HYDIN: variants seen among roughly 807,000 people sequenced by gnomAD.
The protein encoded by HYDIN is axonemal central pair apparatus protein HYDIN.
Under a neutral mutation model 403.9 loss-of-function variants are expected in HYDIN, and 132 were observed. The ratio of observed to expected loss-of-function variants is 0.33; its 90% CI spans 0.28 to 0.38. HYDIN has a LOEUF of 0.38. Ranked by LOEUF, HYDIN falls within the 10% of genes least tolerant of loss-of-function variation. The pLI is 1.00. For missense variants in HYDIN, 2,827 were observed against 5,009.5 expected (o/e 0.56, Z 13.15); for synonymous variants, 1,202 against 1,891.7 (o/e 0.64, Z 9.46).
chr16:70,996,497 G>T (rs2079537587), intron 23 of HYDIN, among the ~76,000 whole-genome samples: 1 of 151,904 alleles, frequency 6.6e-6, no homozygotes, highest in South Asian at 2.1e-4. Context: ...CCCCACTTGT[G>T]CACTATGGGG....
chr16:71,135,948 G>A (rs973143960), intron 8 of HYDIN, among the ~76,000 whole-genome samples: 9 of 151,394 alleles, frequency 5.9e-5, no homozygotes, highest in African/African-American at 9.7e-5. Flanking sequence ...TGGTTTCCAC[G>A]GACCTAAGAC....
At chr16:70,842,075 T>C (rs1215647081) in intron 75 of HYDIN, among the ~76,000 whole-genome samples, 1 of 150,870 alleles carries the variant, frequency 6.6e-6, no homozygotes, top group East Asian at 1.9e-4. Flanking sequence ...TTCAATCCTT[T>C]TAATTTATTG....
intron 17 of HYDIN, among the ~76,000 whole-genome samples, chr16:71,061,861 A>AGTATGT (rs2082092266): frequency 1.4e-5 from 2 of 144,022 alleles, no homozygotes; most frequent in Admixed American, 1.4e-4. Context: ...CATGTGTGAC[A>AGTATGT]GTGTGTGTGT....
At chr16:71,219,915 C>A (rs1047357050) in intron 1 of HYDIN, among the ~76,000 whole-genome samples, 4 of 152,084 alleles carry the variant, frequency 2.6e-5, no homozygotes, top group African/African-American at 9.7e-5. Context: ...AAAAGTTTGC[C>A]CTCAGGAATG....
intron 78 of HYDIN, among the ~76,000 whole-genome samples, chr16:70,835,087 T>C (rs2037330357): frequency 1.3e-5 from 2 of 149,646 alleles, no homozygotes; most frequent in South Asian, 4.3e-4. Flanking sequence ...AACCTCCGCC[T>C]CCTGGGTTCA....
At chr16:70,886,247 G>C (rs1325688450) in intron 58 of HYDIN, among the ~76,000 whole-genome samples, 1 of 151,648 alleles carries the variant, frequency 6.6e-6, no homozygotes, top group Non-Finnish European at 1.5e-5. Flanking sequence ...ATGCACCTCA[G>C]TTATAGTACA....
At chr16:70,840,983 A>G (rs1208357348) in intron 75 of HYDIN, among the ~76,000 whole-genome samples, 6 of 152,208 alleles carry the variant, frequency 3.9e-5, no homozygotes, top group Non-Finnish European at 8.8e-5. Flanking sequence ...CAAATAAATT[A>G]TCTATTATTC....
At chr16:71,184,306 G>A (rs1770282367) in intron 3 of HYDIN, among the ~76,000 whole-genome samples, 1 of 152,044 alleles carries the variant, frequency 6.6e-6, no homozygotes. Context: ...TATAATTTAA[G>A]AAATTAATTA....
At chr16:71,227,018 C>G (rs980417284) in intron 1 of HYDIN, among the ~76,000 whole-genome samples, 2 of 152,126 alleles carry the variant, frequency 1.3e-5, no homozygotes, top group African/African-American at 4.8e-5. Flanking sequence ...ACAATGAGAT[C>G]TAGATCAAAC....
rs753313730 is a variant in HYDIN at position 70,920,914 on chromosome 16, C to T, written c.7462G>A (p.Glu2488Lys). The change falls in exon 46 of 86, where the codon GAG becomes AAG. Residue 2488 changes from glutamate to lysine, a missense_variant. Glu to Lys is a moderately conservative substitution (Grantham distance 56). Coordinates refer to ENST00000393567, the MANE Select transcript of HYDIN (RefSeq NM_001270974.2). ...QGVQLPPAGMEEAPHEPDDQR... is the reference protein window; with the variant it reads ...QGVQLPPAGMKEAPHEPDDQR... ...TCGTCGGGCTCATGGGGCGCTTCCTCCATCCCTGCAGGAGGCAGCTGGACT... is the reference window on the plus strand; with the variant it reads ...TCGTCGGGCTCATGGGGCGCTTCCTTCATCCCTGCAGGAGGCAGCTGGACT... 1.4e-5 allele frequency: 22 copies of T among 1,613,496 alleles called. No homozygotes were observed. The Admixed American group carries it at 3.7e-4, about 27-fold the overall frequency.
At chr16:71,176,941 C>T (rs568801260) in intron 4 of HYDIN, among the ~76,000 whole-genome samples, 7 of 152,274 alleles carry the variant, frequency 4.6e-5, no homozygotes, top group Admixed American at 1.3e-4. Context: ...AAATCTCTCC[C>T]CATGGTTCTT....
chr16:71,061,251 G>A (rs111754044), intron 17 of HYDIN, among the ~76,000 whole-genome samples: 22 of 149,382 alleles, frequency 1.5e-4, no homozygotes, highest in African/African-American at 5.4e-4. Context: ...AGTGAGCCTC[G>A]TGGGGGACCT....
Position 70,804,633 on chromosome 16 carries a change from C to T in HYDIN, c.*2947G>A, listed in dbSNP as rs969207613. Reference sequence around the variant, plus strand: ...TAAATATCTCAAACGGAAAACTTAACGTTTCCTAATGTTCAAGTTGTTATC... The same window carrying T: ...TAAATATCTCAAACGGAAAACTTAATGTTTCCTAATGTTCAAGTTGTTATC... On this transcript the variant is annotated 3_prime_UTR_variant, in exon 86 of 86. Transcript: ENST00000393567. Among the ~76,000 whole-genome samples, 8 of 150,774 alleles carry T rather than the reference C, an allele frequency of 5.3e-5. No homozygotes were observed. The highest frequency in any genetic ancestry group is 2.0e-4 in the African/African-American group (8 of 40,750).
chr16:70,809,820 A>G lies in HYDIN; in HGVS notation c.14846T>C (p.Ile4949Thr). The change falls in exon 85 of 86, where the codon ATC (isoleucine) becomes ACC (threonine). Residue 4949 changes from isoleucine (I) to threonine (T), a missense_variant. Ile to Thr is a moderately conservative substitution (Grantham distance 89). Transcript: ENST00000393567. ...GSSQIILVKF[I>T]NYTRQRTEYY... The stretch of plus-strand genomic sequence containing the variant: ...TTCTGTCCTCTGCCGTGTGTAATTG[A>G]TGAACTTCACAAGGATGATTTGGCT... 2 of 1,614,174 alleles carry G rather than the reference A, an allele frequency of 1.2e-6. No homozygotes were observed. Among genetic ancestry groups the G allele is most frequent in the Non-Finnish European group, 8.5e-7 (1 of 1,180,030 alleles).
intron 1 of HYDIN, among the ~76,000 whole-genome samples, chr16:71,223,418 A>C (rs1294006313): frequency 6.6e-6 from 1 of 152,228 alleles, no homozygotes; most frequent in Admixed American, 6.5e-5. Context: ...TGGCTTAGGC[A>C]GAAATTCAGG....
intron 23 of HYDIN, among the ~76,000 whole-genome samples, chr16:71,005,266 C>T (rs912466629): frequency 1.3e-5 from 2 of 152,114 alleles, no homozygotes; most frequent in African/African-American, 4.8e-5. Context: ...TATTCTCTAT[C>T]TGTGCTGTCC....
intron 23 of HYDIN, among the ~76,000 whole-genome samples, chr16:71,016,296 A>G (rs1238970246): frequency 1.3e-5 from 2 of 151,508 alleles, no homozygotes; most frequent in Admixed American, 6.6e-5. Context: ...TACCTAATTT[A>G]AAAATGGGCT....
chr16:70,988,645 CT>C, intron 25 of HYDIN, 133 bp from the exon 26 acceptor site: 2 of 370,778 alleles, frequency 5.4e-6, no homozygotes, highest in Admixed American at 6.9e-5. Context: ...GAGCAAGTGA[CT>C]ATAATGTACA....
chr16:70,834,957 T>C (rs538747462), intron 78 of HYDIN, among the ~76,000 whole-genome samples: 18 of 143,554 alleles, frequency 1.3e-4, no homozygotes, highest in Non-Finnish European at 2.4e-4. Context: ...TATGTATATA[T>C]ATACACACAT....
Sources: allele counts gnomAD v4.1 joint callset (sites outside exome capture counted in the v4.1 genomes callset), GRCh38; gene constraint gnomAD v4.1.1; transcripts MANE v1.5; gene names NCBI Gene and HGNC (gene_info 2026-07-23, HGNC 2026-07-21).